Variants in FBXO32 observed in about 807,000 individuals in gnomAD.
The protein encoded by FBXO32 is F-box protein 32.
In FBXO32, 15 loss-of-function variants were observed where a neutral mutation model predicts 48.3. The ratio of observed to expected loss-of-function variants is 0.31; its 90% CI spans 0.21 to 0.48. FBXO32 has a LOEUF of 0.48. Among genes scored for constraint, FBXO32 ranks in the 20% least tolerant of loss-of-function variants. The probability of loss-of-function intolerance (pLI) is 0.99; values close to 1 mark genes in which losing one functional copy is unlikely to be tolerated. For missense variants in FBXO32, 309 were observed against 432.7 expected, an observed-to-expected ratio of 0.71 and a Z score of 2.54; for synonymous variants, 154 against 165.9, an observed-to-expected ratio of 0.93 and a Z score of 0.55.
chr8:123,506,784 G>A lies in FBXO32; in HGVS notation c.652-210C>T, dbSNP rs1431717301. On this transcript the variant is annotated intron_variant, in intron 6 of 8. Transcript: ENST00000517956. The surrounding 1 kb of genome is among the most constrained non-coding windows in gnomAD (Gnocchi z 4.0). ...TGAAGTGTGGAGTGCGCTGAGCTGAGTGGTGCCAGAGGGATCGCCCTACAT... is the reference window on the plus strand; with the variant it reads ...TGAAGTGTGGAGTGCGCTGAGCTGAATGGTGCCAGAGGGATCGCCCTACAT... Among the ~76,000 whole-genome samples, 1 of 152,204 alleles carries A rather than the reference G, an allele frequency of 6.6e-6. No homozygotes were observed. The highest frequency in any genetic ancestry group is 1.5e-5 in the Non-Finnish European group (1 of 68,042).
At position 123,540,702 on chromosome 8, in the gene FBXO32, A is replaced by G. The variant is rs913684289; in HGVS notation, c.116+197T>C. ...TTGGAGACACTGACCTTGAACAATA[A>G]GAGAAACCGAATTCCCTGTCTCCGG... On this transcript the variant is annotated intron_variant, in intron 1 of 8. Coordinates refer to ENST00000517956, the MANE Select transcript of FBXO32 (RefSeq NM_058229.4). The surrounding 1 kb of genome is among the most constrained non-coding windows in gnomAD (Gnocchi z 6.4). Among the ~76,000 whole-genome samples, 4 of 152,182 alleles carry G rather than the reference A, an allele frequency of 2.6e-5. No homozygotes were observed. The highest frequency in any genetic ancestry group is 4.8e-5 in the African/African-American group (2 of 41,452).
intron 1 of FBXO32, among the ~76,000 whole-genome samples, chr8:123,539,943 GTC>G (rs1228105054): frequency 6.6e-6 from 1 of 152,206 alleles, no homozygotes; most frequent in Admixed American, 6.5e-5. Context: ...AATGCTGAGA[GTC>G]TCTGAAAGTC....
chr8:123,511,343 A>G (rs750916378), intron 6 of FBXO32, among the ~76,000 whole-genome samples: 28 of 152,202 alleles, frequency 1.8e-4, no homozygotes, highest in Non-Finnish European at 3.1e-4. Flanking sequence ...TTTGTGGATG[A>G]GCTAAGGAGG....
At chr8:123,520,421 G>C (rs989447699) in intron 4 of FBXO32, among the ~76,000 whole-genome samples, 1 of 152,130 alleles carries the variant, frequency 6.6e-6, no homozygotes, top group African/African-American at 2.4e-5. Flanking sequence ...CTGCAGTGAC[G>C]AGCCGTGCAG....
In FBXO32 at chr8:123,499,643, TA is replaced by T. The variant is rs1331102986; in HGVS notation, c.*3729del. 1 of 152,230 alleles carries T rather than the reference TA, an allele frequency of 6.6e-6. No homozygotes were observed. Among genetic ancestry groups the T allele is most frequent in the African/African-American group, 2.4e-5 (1 of 41,450 alleles). 9.4% of individuals were successfully genotyped at this position (152,230 alleles called of 1,614,324 possible). A position where few individuals can be genotyped will look rare whatever the true frequency, so the allele number is the denominator to read the frequency against. On this transcript the variant is annotated 3_prime_UTR_variant, in exon 9 of 9. Coordinates refer to ENST00000517956, the MANE Select transcript of FBXO32 (RefSeq NM_058229.4). ...ATAAACTCAGGTGTATATTTTATAA[TA>T]AACATTGTATTGAATGCTAAGAATG...
intron 4 of FBXO32, among the ~76,000 whole-genome samples, chr8:123,528,000 C>T (rs1415827732): frequency 6.6e-6 from 1 of 152,162 alleles, no homozygotes; most frequent in African/African-American, 2.4e-5. Context: ...TTTAAAAATT[C>T]TCATTAATAT....
chr8:123,509,826 T>C (rs1432078056), intron 6 of FBXO32, among the ~76,000 whole-genome samples: 1 of 151,990 alleles, frequency 6.6e-6, no homozygotes, highest in African/African-American at 2.4e-5. Flanking sequence ...CAGAGGACAG[T>C]GGGAGGAAGG....
intron 6 of FBXO32, among the ~76,000 whole-genome samples, chr8:123,512,150 T>C (rs1273202644): frequency 1.3e-5 from 2 of 152,180 alleles, no homozygotes; most frequent in South Asian, 2.1e-4. Context: ...TGCTCTGCTC[T>C]GTGTGTGTGT....
At chr8:123,517,976 G>T (rs1156552847) in intron 4 of FBXO32, among the ~76,000 whole-genome samples, 1 of 152,142 alleles carries the variant, frequency 6.6e-6, no homozygotes, top group Non-Finnish European at 1.5e-5. Flanking sequence ...TGGGCCACGT[G>T]GTCTCTGTAG....
chr8:123,518,087 G>T (rs1816876065), intron 4 of FBXO32, among the ~76,000 whole-genome samples: 1 of 152,194 alleles, frequency 6.6e-6, no homozygotes, highest in African/African-American at 2.4e-5. Flanking sequence ...TACAAAAGCA[G>T]GTGGAGGGCC....
rs539324671 is a variant in FBXO32 at position 123,532,483 on chromosome 8, CA to C, written c.280-494del. Among the ~76,000 whole-genome samples the C allele has an allele frequency of 3.9e-4, 59 of 152,132 alleles. 1 individual carries two copies. The South Asian group carries it at 0.012, about 31-fold the overall frequency. On this transcript the variant is annotated intron_variant, in intron 3 of 8. Coordinates refer to ENST00000517956, the MANE Select transcript of FBXO32 (RefSeq NM_058229.4). ...GTGTTTATAAGGTTTTGGGAGGAAGCAAAAGTTTTGATCTTTTAACCTATGA... is the reference window on the plus strand; with the variant it reads ...GTGTTTATAAGGTTTTGGGAGGAAGCAAAGTTTTGATCTTTTAACCTATGA...
chr8:123,503,740 A>C (rs1816550072), intron 8 of FBXO32, among the ~76,000 whole-genome samples: 1 of 152,184 alleles, frequency 6.6e-6, no homozygotes, highest in Non-Finnish European at 1.5e-5. Flanking sequence ...AAGGAATAAG[A>C]CCTGCTGTTA....
intron 4 of FBXO32, among the ~76,000 whole-genome samples, chr8:123,521,730 G>A (rs1050676840): frequency 6.6e-6 from 1 of 152,088 alleles, no homozygotes; most frequent in Non-Finnish European, 1.5e-5. Context: ...GGGTGTTACA[G>A]TATGAAGTAT....
intron 4 of FBXO32, among the ~76,000 whole-genome samples, chr8:123,518,340 A>G (rs1816881204): frequency 6.6e-6 from 1 of 152,254 alleles, no homozygotes; most frequent in Non-Finnish European, 1.5e-5. Flanking sequence ...ACAGAGCATT[A>G]CCAAGTAAAA....
chr8:123,530,669 G>A (rs879317854), intron 4 of FBXO32, among the ~76,000 whole-genome samples: 37 of 152,288 alleles, frequency 2.4e-4, no homozygotes, highest in Middle Eastern at 3.4e-3. Flanking sequence ...AGGCTGGAGT[G>A]CAATGGCGCC....
chr8:123,539,130 C>T (rs547248213), intron 1 of FBXO32, among the ~76,000 whole-genome samples: 1 of 152,304 alleles, frequency 6.6e-6, no homozygotes, highest in Non-Finnish European at 1.5e-5. Context: ...CTCAGCCTCC[C>T]GAGTAGGGTA....
At chr8:123,539,920 G>A (rs2280921) in intron 1 of FBXO32, among the ~76,000 whole-genome samples, 1 of 152,114 alleles carries the variant, frequency 6.6e-6, no homozygotes, top group South Asian at 2.1e-4. Context: ...CATCGCCCCC[G>A]CTCACCGGGC....
At position 123,514,025 on chromosome 8, in the gene FBXO32, G is replaced by T. The variant is rs1366611628; in HGVS notation, c.466+215C>A. On this transcript the variant is annotated intron_variant, in intron 5 of 8. Transcript: ENST00000517956. ...AGTAGGGCAAGTGGATGGTCCCAAA[G>T]AAAGGACAGGAGGGTGATGGTCTCA... 4 of 479,758 alleles carry T rather than the reference G, an allele frequency of 8.3e-6. No individual in the cohort carries two copies. The East Asian group carries it at 1.0e-4, about 12-fold the overall frequency. 29.7% of individuals were successfully genotyped at this position (479,758 alleles called of 1,614,324 possible).
chr8:123,534,784 C>CT lies in FBXO32; in HGVS notation c.146dup (p.Asn50GlufsTer9). The CT allele has an allele frequency of 6.2e-7, 1 of 1,613,492 alleles. No individual in the cohort carries two copies. The highest frequency in any genetic ancestry group is 8.5e-7 in the Non-Finnish European group (1 of 1,179,582). ...CATAGTTCAGGCTGTTGAAAAGATT[C>CT]TCCTTATTGTATACCTCCTTGTTGC... On this transcript the variant is annotated frameshift_variant, in exon 2 of 9. Transcript: ENST00000517956. LOFTEE classifies it high-confidence loss of function.
Sources: gnomAD v4.1 joint callset for allele counts (sites outside exome capture counted in the v4.1 genomes callset) on GRCh38, gnomAD v4.1.1 for gene constraint, Gnocchi (gnomAD v3.1) non-coding constraint, MANE v1.5 for transcripts, NCBI Gene and HGNC (gene_info 2026-07-23, HGNC 2026-07-21) for gene names.